TSEN2: variants seen among roughly 807,000 people sequenced by gnomAD.
TSEN2 encodes the protein tRNA-splicing endonuclease subunit Sen2.
TSEN2 carries 54 observed loss-of-function variants against 59.2 expected under a neutral mutation model. The observed-to-expected ratio is 0.91, with a 90% CI of 0.73 to 1.14. The LOEUF is 1.14. Ranked by LOEUF, TSEN2 falls within the 50% of genes most tolerant of loss-of-function variation. The pLI is 0.00. For missense variants in TSEN2, 636 were observed against 576.2 expected (o/e 1.10, Z -1.06); for synonymous variants, 195 against 198.2 (o/e 0.98, Z 0.14).
Position 12,489,912 on chromosome 3 carries a change from A to G in TSEN2, c.112A>G (p.Lys38Glu). Residue 38 changes from lysine to glutamate, a missense_variant, in exon 2 of 12, where the codon AAG (lysine) becomes GAG (glutamate). By Grantham distance (56) the Lys-to-Glu change is moderately conservative (BLOSUM62 1). Coordinates refer to ENST00000284995, the MANE Select transcript of TSEN2 (RefSeq NM_025265.4). ...GQDHGPLKEF[K>E]IFRAEMINNN... ...GGACCATGGTCCTCTGAAAGAATTC[A>G]AGATATTCCGTGCTGAAATGATTAA... 1.2e-6 allele frequency: 2 copies of G among 1,614,180 alleles called. No individual in the cohort carries two copies. The highest frequency in any genetic ancestry group is 1.7e-6 in the Non-Finnish European group (2 of 1,180,014).
intron 8 of TSEN2, among the ~76,000 whole-genome samples, chr3:12,519,474 C>T (rs1191766848): frequency 1.3e-5 from 2 of 152,080 alleles, no homozygotes; most frequent in African/African-American, 4.8e-5. Context: ...GGCTGAGCGC[C>T]GTGGCTTACG....
intron 8 of TSEN2, among the ~76,000 whole-genome samples, chr3:12,519,575 C>A (rs111914701): frequency 1.9e-3 from 288 of 152,274 alleles, no homozygotes; most frequent in African/African-American, 6.5e-3. Flanking sequence ...GAAACCCCTT[C>A]TCTACTAAAA....
chr3:12,521,937 G>A (rs2056673097), intron 8 of TSEN2, among the ~76,000 whole-genome samples: 1 of 152,042 alleles, frequency 6.6e-6, no homozygotes. Context: ...CGTGAACCCA[G>A]GAGGCGGAGC....
chr3:12,505,558 G>A (rs770398510), intron 6 of TSEN2: 7 of 284,274 alleles, frequency 2.5e-5, no homozygotes, highest in Middle Eastern at 1.2e-3. Flanking sequence ...GGAGGCCAAG[G>A]CAGGAGGATC....
At chr3:12,480,856 G>T (rs907875651), upstream of TSEN2, among the ~76,000 whole-genome samples, 1 of 152,004 alleles carries the variant, frequency 6.6e-6, no homozygotes, top group Non-Finnish European at 1.5e-5. Context: ...TTAATGCATT[G>T]CCCTCCTGTA....
At chr3:12,481,014 T>C (rs897306339), upstream of TSEN2, among the ~76,000 whole-genome samples, 2 of 152,236 alleles carry the variant, frequency 1.3e-5, no homozygotes, top group South Asian at 2.1e-4. Flanking sequence ...AGCCCTGTTA[T>C]GAGAATTAAA....
At chr3:12,503,914 G>A (rs1156754714) in intron 5 of TSEN2, 130 bp downstream of exon 5, 15 of 1,214,910 alleles carry the variant, frequency 1.2e-5, no homozygotes, top group Non-Finnish European at 1.7e-5. Flanking sequence ...GCAGGCTTTG[G>A]GCCACAGCAG....
chr3:12,490,039 G>T, intron 2 of TSEN2, 50 bp downstream of exon 2: 1 of 1,563,428 alleles, frequency 6.4e-7, no homozygotes. Context: ...CCCTGAGCAA[G>T]CAGTCCTTTC....
intron 1 of TSEN2, 150 bp downstream of exon 1, chr3:12,485,030 A>G (rs887167069): frequency 2.0e-5 from 3 of 152,192 alleles, no homozygotes; most frequent in Admixed American, 1.3e-4. Context: ...AATCCTGACA[A>G]CAACTTTCAA....
chr3:12,503,830 TG>T, intron 5 of TSEN2, 46 bp downstream of exon 5: 1 of 1,587,146 alleles, frequency 6.3e-7, no homozygotes. Flanking sequence ...CATCCGTTCC[TG>T]GAGATGTTGG....
intron 8 of TSEN2, among the ~76,000 whole-genome samples, chr3:12,520,106 C>T (rs910035651): frequency 1.3e-5 from 2 of 151,954 alleles, no homozygotes; most frequent in African/African-American, 4.8e-5. Flanking sequence ...TCACGCCGTT[C>T]TCCTGCCTCA....
chr3:12,524,711 A>G (rs992163660), intron 8 of TSEN2, among the ~76,000 whole-genome samples: 3 of 150,248 alleles, frequency 2.0e-5, no homozygotes, highest in East Asian at 1.9e-4. Flanking sequence ...GGGAGCTGCC[A>G]TTAAACCTAC....
chr3:12,523,526 CTTTT>C (rs546904336), intron 8 of TSEN2, among the ~76,000 whole-genome samples: 3,371 of 46,436 alleles, frequency 0.073, 173 homozygotes, highest in African/African-American at 0.25. Context: ...CTCTTTGATT[CTTTT>C]TTTTTTTTTT....
At chr3:12,505,802 A>AG (rs2054760828) in intron 6 of TSEN2, among the ~76,000 whole-genome samples, 1 of 150,926 alleles carries the variant, frequency 6.6e-6, no homozygotes. Flanking sequence ...AAAAAAAAAA[A>AG]AAGGCTTTAT....
chr3:12,502,555 A>G (rs1307481639), intron 4 of TSEN2, among the ~76,000 whole-genome samples: 2 of 151,504 alleles, frequency 1.3e-5, no homozygotes, highest in Non-Finnish European at 2.9e-5. Flanking sequence ...CAACAATAAT[A>G]CAAAAAAAAA....
In TSEN2 at chr3:12,484,641, G is replaced by C. The variant is rs2052399932; in HGVS notation, c.-257G>C. The C allele has an allele frequency of 6.6e-6, 1 of 152,276 alleles. No individual in the cohort carries two copies. The highest frequency in any genetic ancestry group is 2.1e-4 in the South Asian group (1 of 4,838). 9.4% of individuals were successfully genotyped at this position (152,276 alleles called of 1,614,324 possible). ...GGAAAGGGCCTAGGTACTGTGCTGG[G>C]GTCGCACAGCCGGCCGAGACAGTGC... On this transcript the variant is annotated 5_prime_UTR_variant, in exon 1 of 12. Transcript: ENST00000284995.
downstream of TSEN2, among the ~76,000 whole-genome samples, chr3:12,534,080 C>T (rs1219626240): frequency 3.3e-5 from 5 of 152,074 alleles, no homozygotes; most frequent in Non-Finnish European, 5.9e-5. Context: ...TGGCGCTATC[C>T]TAAAAATTGC....
At position 12,533,033 on chromosome 3, in the gene TSEN2, C is replaced by G. The variant is rs1469316902; in HGVS notation, c.*312C>G. 3.8e-5 allele frequency: 17 copies of G among 448,040 alleles called. No homozygotes were observed. The highest frequency in any genetic ancestry group is 6.5e-5 in the Non-Finnish European group (16 of 246,294). 27.8% of individuals were successfully genotyped at this position (448,040 alleles called of 1,614,324 possible). A position where few individuals can be genotyped will look rare whatever the true frequency, so the allele number is the denominator to read the frequency against. On this transcript the variant is annotated 3_prime_UTR_variant, in exon 12 of 12. Transcript: ENST00000284995. ...CTAGAGGAGTCCTGAGAGGACACTT[C>G]CAACAAGAGACATTTATTCTCTGAT...
At chr3:12,518,866 G>A (rs192583476) in intron 7 of TSEN2, among the ~76,000 whole-genome samples, 193 bp from the exon 8 acceptor site, 39 of 151,992 alleles carry the variant, frequency 2.6e-4, no homozygotes, top group South Asian at 1.0e-3. Flanking sequence ...CCGAGATCAC[G>A]CCACTGCACT....
Sources: allele counts gnomAD v4.1 joint callset (sites outside exome capture counted in the v4.1 genomes callset), GRCh38; gene constraint gnomAD v4.1.1; transcripts MANE v1.5; gene names NCBI Gene and HGNC (gene_info 2026-07-23, HGNC 2026-07-21).